Variants in GLB1L3 observed in about 807,000 individuals in gnomAD.
GLB1L3 encodes galactosidase beta 1 like 3.
Under a neutral mutation model 89.5 loss-of-function variants are expected in GLB1L3, and 89 were observed. The ratio of observed to expected loss-of-function variants is 0.99; its 90% CI spans 0.84 to 1.19. GLB1L3 has a LOEUF of 1.19. GLB1L3 is among the 50% of genes most tolerant of loss of function. The pLI is 0.00. For synonymous variants in GLB1L3, 314 were observed against 312.3 expected (o/e 1.01, Z -0.06); for missense variants, 812 against 813.3 (o/e 1.00, Z 0.02).
At chr11:134,302,520 A>G (rs2136182627) in intron 9 of GLB1L3, among the ~76,000 whole-genome samples, 1 of 152,316 alleles carries the variant, frequency 6.6e-6, no homozygotes, top group East Asian at 1.9e-4. Context: ...TACTGAAAAT[A>G]AGAAAAATCT....
chr11:134,319,128 G>A lies in GLB1L3; in HGVS notation c.*186G>A. 1 of 542,726 alleles carries A rather than the reference G, an allele frequency of 1.8e-6. No individual in the cohort carries two copies. The highest frequency in any genetic ancestry group is 3.2e-5 in the East Asian group (1 of 31,356). 33.6% of individuals were successfully genotyped at this position (542,726 alleles called of 1,614,324 possible). A position where few individuals can be genotyped will look rare whatever the true frequency, so the allele number is the denominator to read the frequency against. On this transcript the variant is annotated 3_prime_UTR_variant, in exon 20 of 20. Coordinates refer to ENST00000431683, the MANE Select transcript of GLB1L3 (RefSeq NM_001080407.3). ...CGCCACCACGCCTGGCTAATTTTTT[G>A]TATTTTTAGTAGAGATGGGGTTTCA...
At chr11:134,287,388 T>G (rs957502039) in intron 6 of GLB1L3, 10 of 152,238 alleles carry the variant, frequency 6.6e-5, no homozygotes, top group African/African-American at 2.4e-4. Flanking sequence ...TATTGATACA[T>G]CATTAGTATT....
chr11:134,308,467 CCACCAAA>C (rs1565413838), intron 10 of GLB1L3, among the ~76,000 whole-genome samples: 265 of 18,018 alleles, frequency 0.015, 29 homozygotes, highest in African/African-American at 0.067. Context: ...ACCACCACCA[CCACCAAA>C]TACCACCACC....
chr11:134,323,428 TAGTC>T (rs1357673868), downstream of GLB1L3, among the ~76,000 whole-genome samples: 4 of 149,748 alleles, frequency 2.7e-5, no homozygotes, highest in African/African-American at 7.4e-5. Flanking sequence ...CACACACAAT[TAGTC>T]GGCCTGGTGG....
At chr11:134,308,399 C>G (rs1942429944) in intron 10 of GLB1L3, among the ~76,000 whole-genome samples, 1 of 62,496 alleles carries the variant, frequency 1.6e-5, no homozygotes, top group African/African-American at 7.2e-5. Flanking sequence ...TCACCACCAT[C>G]ACCATCACCA....
intron 9 of GLB1L3, among the ~76,000 whole-genome samples, chr11:134,303,192 C>G (rs1942033181): frequency 1.3e-5 from 2 of 152,136 alleles, no homozygotes; most frequent in Admixed American, 6.5e-5. Context: ...GTATCATTTT[C>G]TATATCCTCA....
chr11:134,296,097 A>G (rs766786780), intron 9 of GLB1L3, among the ~76,000 whole-genome samples: 1 of 152,176 alleles, frequency 6.6e-6, no homozygotes, highest in Non-Finnish European at 1.5e-5. Context: ...AAAAATGCTC[A>G]CCATCACTGG....
At chr11:134,301,366 TAC>T (rs1224464434) in intron 9 of GLB1L3, among the ~76,000 whole-genome samples, 1 of 152,152 alleles carries the variant, frequency 6.6e-6, no homozygotes, top group Non-Finnish European at 1.5e-5. Flanking sequence ...ATGTAGTTGT[TAC>T]AGTTTTTCTA....
chr11:134,300,676 C>T (rs1473434479), intron 9 of GLB1L3, among the ~76,000 whole-genome samples: 2 of 152,148 alleles, frequency 1.3e-5, no homozygotes, highest in African/African-American at 4.8e-5. Context: ...AGGCTGTTCT[C>T]CTCTGAGGCC....
chr11:134,308,469 ACCAAATACCACCACCACCAT>A, intron 10 of GLB1L3, among the ~76,000 whole-genome samples: 1 of 9,788 alleles, frequency 1.0e-4, no homozygotes, highest in East Asian at 1.2e-3. Flanking sequence ...CACCACCACC[ACCAAATACCACCACCACCAT>A]CACCACCAAA....
At chr11:134,299,814 C>T (rs1187276698) in intron 9 of GLB1L3, among the ~76,000 whole-genome samples, 1 of 152,150 alleles carries the variant, frequency 6.6e-6, no homozygotes, top group Non-Finnish European at 1.5e-5. Context: ...GGTGCTCCTA[C>T]CCAGCTCTTC....
Position 134,284,718 on chromosome 11 carries a change from C to G in GLB1L3, c.636+873C>G, listed in dbSNP as rs532325096. ...CACTCCAGCCTGGGCAACAGAGTGA[C>G]ACTCTGTCTCAAAAAACAAAACGAA... On this transcript the variant is annotated intron_variant, in intron 6 of 19. Coordinates refer to ENST00000431683, the MANE Select transcript of GLB1L3 (RefSeq NM_001080407.3). Among the ~76,000 whole-genome samples, 209 of 151,974 alleles carry G rather than the reference C, an allele frequency of 1.4e-3. 1 individual carries two copies. Among genetic ancestry groups the G allele is most frequent in the African/African-American group, 4.7e-3 (196 of 41,464 alleles).
At chr11:134,299,158 T>A (rs1941810368) in intron 9 of GLB1L3, among the ~76,000 whole-genome samples, 1 of 152,092 alleles carries the variant, frequency 6.6e-6, no homozygotes, top group Admixed American at 6.6e-5. Context: ...TATTTCCATT[T>A]GCTTCTTTCT....
chr11:134,294,108 C>T (rs1020542381), intron 9 of GLB1L3, among the ~76,000 whole-genome samples: 1 of 151,994 alleles, frequency 6.6e-6, no homozygotes, highest in Non-Finnish European at 1.5e-5. Context: ...CTCTTGTTGC[C>T]CAGGCTGGAG....
At chr11:134,308,214 C>CCACCACCACCACCAT in intron 10 of GLB1L3, among the ~76,000 whole-genome samples, 1 of 28,580 alleles carries the variant, frequency 3.5e-5, no homozygotes, top group African/African-American at 1.5e-4. Flanking sequence ...ACCACCACCA[C>CCACCACCACCACCAT]CATCACCATC....
rs1024703049 is a variant in GLB1L3 at position 134,305,074 on chromosome 11, T to G, written c.877-2050T>G. The G allele has an allele frequency of 8.4e-6, 13 of 1,546,964 alleles. No individual in the cohort carries two copies. The African/African-American group carries it at 1.8e-4, about 21-fold the overall frequency. ...CAATGCTGTAGGCAGGGATGAATTC[T>G]TATCTTTACCCATCTTCCTTTTTGC... On this transcript the variant is annotated intron_variant, in intron 9 of 19. Coordinates refer to ENST00000431683, the MANE Select transcript of GLB1L3 (RefSeq NM_001080407.3).
intron 9 of GLB1L3, among the ~76,000 whole-genome samples, chr11:134,305,527 G>A (rs945555424): frequency 1.3e-5 from 2 of 152,064 alleles, no homozygotes; most frequent in South Asian, 4.1e-4. Context: ...ATTTTGATTT[G>A]GAAGATTTCC....
chr11:134,278,463 G>C (rs1322469764), intron 3 of GLB1L3, among the ~76,000 whole-genome samples: 1 of 151,974 alleles, frequency 6.6e-6, no homozygotes, highest in Non-Finnish European at 1.5e-5. Context: ...TTTTTGAATT[G>C]TTTGTAGAGA....
intron 17 of GLB1L3, 22 bp from the exon 18 acceptor site, chr11:134,314,308 C>T (rs774019489): frequency 1.3e-6 from 2 of 1,500,080 alleles, no homozygotes; most frequent in Non-Finnish European, 9.0e-7. Context: ...TCTTCTCCCC[C>T]ATGGCTTGGC....
Sources: allele counts gnomAD v4.1 joint callset (sites outside exome capture counted in the v4.1 genomes callset), GRCh38; gene constraint gnomAD v4.1.1; transcripts MANE v1.5; gene names NCBI Gene and HGNC (gene_info 2026-07-23, HGNC 2026-07-21).